Variants in NBEAL1 observed in about 807,000 individuals in gnomAD.
The protein encoded by NBEAL1 is neurobeachin like 1, also known as neurobeachin-like protein 1.
In NBEAL1, 273 loss-of-function variants were observed where a neutral mutation model predicts 351.3. The observed-to-expected ratio is 0.78, with a 90% CI of 0.70 to 0.86. The LOEUF (loss-of-function observed/expected upper bound fraction) is 0.86, where lower values mean the gene tolerates loss of function less well. NBEAL1 is among the 40% of genes least tolerant of loss of function. The probability of loss-of-function intolerance (pLI) is 0.00; values close to 1 mark genes in which losing one functional copy is unlikely to be tolerated. For synonymous variants in NBEAL1, 1,050 were observed against 1,086.4 expected (o/e 0.97, Z 0.66); for missense variants, 2,961 against 3,201.3 (o/e 0.92, Z 1.81).
In NBEAL1 at chr2:203,023,550, G is replaced by GT. The variant is rs1461177441; in HGVS notation, c.51+7116dup. On this transcript the variant is annotated intron_variant, in intron 2 of 55. Coordinates refer to ENST00000683969, the MANE Select transcript of NBEAL1 (RefSeq NM_001378026.1). Reference sequence around the variant, plus strand: ...AAGGTGAAATTGATAGTACTTAAGTGTAAGTGTGGAGTATAATGTGCAGAT... The same window carrying GT: ...AAGGTGAAATTGATAGTACTTAAGTGTTAAGTGTGGAGTATAATGTGCAGAT... Among the ~76,000 whole-genome samples the GT allele has an allele frequency of 7.3e-5, 11 of 151,538 alleles. No individual in the cohort carries two copies. In the South Asian group the frequency reaches 2.3e-3, roughly 32 times the overall value.
At chr2:203,156,527 A>G (rs2063803056) in intron 35 of NBEAL1, among the ~76,000 whole-genome samples, 1 of 152,228 alleles carries the variant, frequency 6.6e-6, no homozygotes, top group Non-Finnish European at 1.5e-5. Context: ...GTACTTCGTT[A>G]ATTAAATGTT....
chr2:203,137,357 G>A (rs758999869), intron 29 of NBEAL1, among the ~76,000 whole-genome samples: 2 of 152,164 alleles, frequency 1.3e-5, no homozygotes, highest in Non-Finnish European at 2.9e-5. Context: ...TGTGGCCCAA[G>A]ACAGTCCTTC....
rs1055388389 is a variant in NBEAL1 at position 203,191,087 on chromosome 2, A to G, written c.6921+698A>G. 8.1e-6 allele frequency: 13 copies of G among 1,596,914 alleles called. No homozygotes were observed. In the African/African-American group the frequency reaches 1.3e-4, roughly 16 times the overall value. Reference sequence around the variant, plus strand: ...CAGAAAAACATTAAACACAGTGGGAATATCACTTTTGATGAGATCGTCAAC... The same window carrying G: ...CAGAAAAACATTAAACACAGTGGGAGTATCACTTTTGATGAGATCGTCAAC... On this transcript the variant is annotated intron_variant, in intron 46 of 55. Transcript: ENST00000683969.
intron 36 of NBEAL1, among the ~76,000 whole-genome samples, chr2:203,160,077 ATTTT>A (rs34866290): frequency 3.1e-5 from 4 of 127,560 alleles, no homozygotes; most frequent in African/African-American, 8.8e-5. Context: ...GCCCCCCGCT[ATTTT>A]TTTTTTTTTT....
chr2:203,172,609 G>C, intron 40 of NBEAL1, 120 bp from the exon 41 acceptor site: 1 of 825,694 alleles, frequency 1.2e-6, no homozygotes, highest in Non-Finnish European at 1.8e-6. Flanking sequence ...ATTTACAACA[G>C]GGAAAAAATA....
In NBEAL1 at chr2:203,017,611, A is replaced by G. The variant is rs930346045; in HGVS notation, c.51+1176A>G. 3.9e-5 allele frequency among the ~76,000 whole-genome samples: 6 copies of G among 152,194 alleles called. No individual in the cohort carries two copies. The South Asian group carries it at 6.2e-4, about 16-fold the overall frequency. ...CCAAAAATTAAAATTAATTTTTAGT[A>G]TGAATACCTAGTAGTTTGAAAATGA... On this transcript the variant is annotated intron_variant, in intron 2 of 55. Transcript: ENST00000683969.
intron 44 of NBEAL1, among the ~76,000 whole-genome samples, chr2:203,183,875 G>T (rs772677414): frequency 6.6e-6 from 1 of 151,684 alleles, no homozygotes; most frequent in African/African-American, 2.4e-5. Flanking sequence ...TCAGGAGTTC[G>T]GAGATCAACC....
chr2:203,077,621 A>T (rs1265242476), intron 7 of NBEAL1, 131 bp from the exon 8 acceptor site: 1 of 472,576 alleles, frequency 2.1e-6, no homozygotes, highest in Non-Finnish European at 3.5e-6. Flanking sequence ...AATGCATATC[A>T]ACCTTGGCTT....
intron 48 of NBEAL1, among the ~76,000 whole-genome samples, chr2:203,198,535 CT>C (rs1396117368): frequency 6.6e-6 from 1 of 152,008 alleles, no homozygotes; most frequent in African/African-American, 2.4e-5. Flanking sequence ...TGCTAATAAA[CT>C]TTGAGAAATC....
chr2:203,059,393 G>T (rs972359508), intron 6 of NBEAL1, among the ~76,000 whole-genome samples: 1 of 152,162 alleles, frequency 6.6e-6, no homozygotes, highest in Non-Finnish European at 1.5e-5. Context: ...TTGTGAATAG[G>T]CAGAGAGCCT....
At position 203,218,097 on chromosome 2, in the gene NBEAL1, T is replaced by G. The variant is rs2065916908; in HGVS notation, c.*743T>G. The G allele has an allele frequency of 6.8e-6, 2 of 296,210 alleles. No individual in the cohort carries two copies. Among genetic ancestry groups the G allele is most frequent in the African/African-American group, 4.5e-5 (2 of 44,082 alleles). The allele number at this position is 296,210 out of a possible 1,614,324, so 18.3% of individuals were successfully genotyped here. On this transcript the variant is annotated 3_prime_UTR_variant, in exon 56 of 56. Coordinates refer to ENST00000683969, the MANE Select transcript of NBEAL1 (RefSeq NM_001378026.1). ...TTTAAGTAGCATTTGCAGCACAATTTGCATTTGCAAAGTTCCGAATTTCTT... is the reference window on the plus strand; with the variant it reads ...TTTAAGTAGCATTTGCAGCACAATTGGCATTTGCAAAGTTCCGAATTTCTT...
chr2:203,084,362 A>G, intron 9 of NBEAL1, 101 bp from the exon 10 acceptor site: 1 of 530,386 alleles, frequency 1.9e-6, no homozygotes, highest in Non-Finnish European at 3.1e-6. Context: ...ACTGAACATC[A>G]AAGTTGTTTT....
rs189268084 is a variant in NBEAL1 at position 203,174,080 on chromosome 2, C to G, written c.6324-1067C>G. Among the ~76,000 whole-genome samples the G allele has an allele frequency of 2.6e-3, 384 of 150,588 alleles. 3 individuals are homozygous for G. Among genetic ancestry groups the G allele is most frequent in the Middle Eastern group, 3.5e-3 (1 of 284 alleles). On this transcript the variant is annotated intron_variant, in intron 41 of 55. Transcript: ENST00000683969. ...AATCTGGTTTAGGCCTTTTTCCTATCCACCATCTCTTTTTTCTTTTACCTT... is the reference window on the plus strand; with the variant it reads ...AATCTGGTTTAGGCCTTTTTCCTATGCACCATCTCTTTTTTCTTTTACCTT...
At chr2:203,163,515 A>G (rs1357355404) in intron 36 of NBEAL1, among the ~76,000 whole-genome samples, 1 of 152,178 alleles carries the variant, frequency 6.6e-6, no homozygotes, top group African/African-American at 2.4e-5. Flanking sequence ...CCCTCACCCC[A>G]AAAAGATACT....
At chr2:203,152,396 C>G (rs1274114820) in intron 35 of NBEAL1, among the ~76,000 whole-genome samples, 1 of 150,396 alleles carries the variant, frequency 6.6e-6, no homozygotes, top group Non-Finnish European at 1.5e-5. Flanking sequence ...CAAGACCAGC[C>G]TGGCCAACAT....
intron 31 of NBEAL1, among the ~76,000 whole-genome samples, chr2:203,142,390 A>G (rs1208247248): frequency 1.3e-5 from 2 of 152,160 alleles, no homozygotes; most frequent in African/African-American, 4.8e-5. Flanking sequence ...TCCTGACCTC[A>G]GGTGATCTGC....
intron 18 of NBEAL1, among the ~76,000 whole-genome samples, chr2:203,118,914 C>T (rs1174074057): frequency 2.0e-5 from 3 of 151,686 alleles, no homozygotes; most frequent in Non-Finnish European, 4.4e-5. Flanking sequence ...ACATTATGGT[C>T]ATCGTATTCT....
intron 6 of NBEAL1, among the ~76,000 whole-genome samples, chr2:203,066,267 C>T (rs140752473): frequency 9.3e-5 from 14 of 150,148 alleles, no homozygotes; most frequent in Admixed American, 9.3e-4. Context: ...AATGAATGCA[C>T]AAACTGGAAA....
At chr2:203,199,567 CAG>C (rs2065336996) in intron 49 of NBEAL1, 120 bp downstream of exon 49, 4 of 558,470 alleles carry the variant, frequency 7.2e-6, no homozygotes, top group African/African-American at 4.1e-5. Context: ...TTTTTTGAGA[CAG>C]AGTCTTGCTC....
Sources: gnomAD v4.1 joint callset for allele counts (sites outside exome capture counted in the v4.1 genomes callset) on GRCh38, gnomAD v4.1.1 for gene constraint, MANE v1.5 for transcripts, NCBI Gene and HGNC (gene_info 2026-07-23, HGNC 2026-07-21) for gene names.